SOS1: variants seen among roughly 807,000 people sequenced by gnomAD.
SOS1 encodes SOS Ras/Rac guanine nucleotide exchange factor 1, also known as son of sevenless homolog 1.
In SOS1, 25 loss-of-function variants were observed where a neutral mutation model predicts 157.6. The observed-to-expected ratio is 0.16, with a 90% CI of 0.12 to 0.22. The LOEUF is 0.22. Among genes scored for constraint, SOS1 ranks in the 10% least tolerant of loss-of-function variants. SOS1 has a pLI of 1.00. For synonymous variants in SOS1, 528 were observed against 534.0 expected, an observed-to-expected ratio of 0.99 and a Z score of 0.16; for missense variants, 1,237 against 1,599.1, an observed-to-expected ratio of 0.77 and a Z score of 3.86.
At chr2:39,032,275 C>G (rs1312625397) in intron 8 of SOS1, among the ~76,000 whole-genome samples, 1 of 152,150 alleles carries the variant, frequency 6.6e-6, no homozygotes, top group African/African-American at 2.4e-5. Flanking sequence ...TGACCAGTAT[C>G]TCCCTACTCC....
At position 39,013,447 on chromosome 2, in the gene SOS1, A is replaced by C; in HGVS notation, c.2167+13T>G. On this transcript the variant is annotated intron_variant, in intron 13 of 22. Transcript: ENST00000402219. ...TTACATATAAAACTAGGCACCTAAA[A>C]AAAAAAACATACCTCTTACTGTTCC... The C allele has an allele frequency of 6.4e-7, 1 of 1,551,494 alleles. No homozygotes were observed. Among genetic ancestry groups the C allele is most frequent in the Non-Finnish European group, 8.9e-7 (1 of 1,123,234 alleles).
intron 2 of SOS1, among the ~76,000 whole-genome samples, chr2:39,065,383 G>T (rs1292768934): frequency 2.0e-5 from 3 of 152,034 alleles, no homozygotes; most frequent in African/African-American, 7.2e-5. Context: ...CTACCATTCT[G>T]TCCAACTTTA....
In SOS1 at chr2:39,120,992, A is replaced by G. The variant is rs1392403395; in HGVS notation, c.-570T>C. On this transcript the variant is annotated 5_prime_UTR_variant, in exon 1 of 23. Coordinates refer to ENST00000402219, the MANE Select transcript of SOS1 (RefSeq NM_005633.4). ...AGGTGCCGCCGCGGCCGCCGCCGCCACCGCCGCCGCCGGTGTAGCGCTGGA... is the reference window on the plus strand; with the variant it reads ...AGGTGCCGCCGCGGCCGCCGCCGCCGCCGCCGCCGCCGGTGTAGCGCTGGA... 19 of 175,912 alleles carry G rather than the reference A, an allele frequency of 1.1e-4. No individual in the cohort carries two copies. The highest frequency in any genetic ancestry group is 1.9e-4 in the Non-Finnish European group (16 of 86,060). The allele number at this position is 175,912 out of a possible 1,614,324, so 10.9% of individuals were successfully genotyped here. A position where few individuals can be genotyped will look rare whatever the true frequency, so the allele number is the denominator to read the frequency against.
chr2:39,094,372 G>T (rs192757166), intron 1 of SOS1, among the ~76,000 whole-genome samples: 15 of 152,264 alleles, frequency 9.9e-5, no homozygotes, highest in African/African-American at 3.4e-4. Flanking sequence ...AGGGGGCCGG[G>T]TGCAGTAGCT....
At chr2:39,113,977 A>C (rs371131805) in intron 1 of SOS1, among the ~76,000 whole-genome samples, 1 of 152,216 alleles carries the variant, frequency 6.6e-6, no homozygotes, top group East Asian at 1.9e-4. Flanking sequence ...TACTATCACA[A>C]TAAAACTGCT....
At chr2:39,087,886 C>T (rs1672435846) in intron 1 of SOS1, among the ~76,000 whole-genome samples, 1 of 151,834 alleles carries the variant, frequency 6.6e-6, no homozygotes, top group Admixed American at 6.6e-5. Context: ...GCCACATTGC[C>T]CAGGCTGGTC....
In SOS1 at chr2:38,995,344, G is replaced by T. The variant is rs1166919012; in HGVS notation, c.3125C>A (p.Pro1042Gln). 1.2e-6 allele frequency: 2 copies of T among 1,613,566 alleles called. No homozygotes were observed. The highest frequency in any genetic ancestry group is 1.7e-6 in the Non-Finnish European group (2 of 1,179,570). The stretch of plus-strand genomic sequence containing the variant: ...CATGGTACCTGGTCTTGGGTTTGAT[G>T]GACGAACACCAGGAGATTTTAGGGG... ...SYPLKSPGVR[P>Q]SNPRPGTMRH... The change falls in exon 20 of 23, where the codon CCA (proline) becomes CAA (glutamine). Residue 1042 changes from proline to glutamine, a missense_variant. This residue lies in a region of SOS1 where 43 missense variants were observed against 83.0 expected (regional missense o/e 0.52). Coordinates refer to ENST00000402219, the MANE Select transcript of SOS1 (RefSeq NM_005633.4).
intron 1 of SOS1, among the ~76,000 whole-genome samples, chr2:39,105,104 A>G (rs899614314): frequency 1.3e-5 from 2 of 152,210 alleles, no homozygotes; most frequent in Admixed American, 6.5e-5. Flanking sequence ...CAAAACATCT[A>G]TGAATTAATT....
intron 1 of SOS1, among the ~76,000 whole-genome samples, chr2:39,116,990 T>C (rs891892176): frequency 2.0e-5 from 3 of 151,950 alleles, no homozygotes; most frequent in Non-Finnish European, 4.4e-5. Context: ...CCACTTCCCA[T>C]CATGTTCTAA....
rs730881042 is a variant in SOS1 at position 39,023,157 on chromosome 2, T to C, written c.1271A>G (p.Glu424Gly). The C allele has an allele frequency of 1.1e-5, 17 of 1,613,190 alleles. No individual in the cohort carries two copies. The highest frequency in any genetic ancestry group is 2.7e-5 in the African/African-American group (2 of 74,892). ...GKQLAIKKMNEIQKNIDGWEG... is the reference protein window; with the variant it reads ...GKQLAIKKMNGIQKNIDGWEG... Reference sequence around the variant, plus strand: ...CCAACCATCAATATTCTTCTGAATCTCGTTCATCTTCTTGATTGCTAGTTG... The same window carrying C: ...CCAACCATCAATATTCTTCTGAATCCCGTTCATCTTCTTGATTGCTAGTTG... Residue 424 changes from glutamate (E) to glycine (G), a missense_variant, in exon 10 of 23, where the codon GAG (glutamate) becomes GGG (glycine). By Grantham distance (98) the Glu-to-Gly change is moderately conservative. This residue lies in a region of SOS1 where 210 missense variants were observed against 220.2 expected (regional missense o/e 0.95). Coordinates refer to ENST00000402219, the MANE Select transcript of SOS1 (RefSeq NM_005633.4).
At chr2:39,121,630 G>A (rs568444243), upstream of SOS1, among the ~76,000 whole-genome samples, 1 of 152,170 alleles carries the variant, frequency 6.6e-6, no homozygotes, top group African/African-American at 2.4e-5. Flanking sequence ...AGTGGATATC[G>A]AGACCTCTTT....
intron 1 of SOS1, among the ~76,000 whole-genome samples, chr2:39,078,246 T>C (rs1218613306): frequency 6.6e-6 from 1 of 152,176 alleles, no homozygotes; most frequent in Non-Finnish European, 1.5e-5. Flanking sequence ...ATAAAAACCA[T>C]AAGACATTAT....
rs531105623 is a variant in SOS1 at position 39,060,610 on chromosome 2, G to A, written c.214-1806C>T. On this transcript the variant is annotated intron_variant, in intron 2 of 22. Transcript: ENST00000402219. ...CCAGCTAATTTTTGTATTTTTAGTA[G>A]AGATGGGTTTCCCCATGTTGGCCAG... Among the ~76,000 whole-genome samples, 7 of 152,238 alleles carry A rather than the reference G, an allele frequency of 4.6e-5. No individual in the cohort carries two copies. The South Asian group carries it at 1.4e-3, about 32-fold the overall frequency.
intron 2 of SOS1, among the ~76,000 whole-genome samples, chr2:39,060,046 AAAGGGAAGGGGTAAAGGGAGAG>A (rs1671346738): frequency 6.6e-6 from 1 of 152,192 alleles, no homozygotes; most frequent in Non-Finnish European, 1.5e-5. Context: ...AAAAGGGAGA[AAAGGGAAGGGGTAAAGGGAGAG>A]AAGGGAACAT....
chr2:39,093,126 C>G (rs1181621411), intron 1 of SOS1, among the ~76,000 whole-genome samples: 2 of 152,212 alleles, frequency 1.3e-5, no homozygotes, highest in African/African-American at 4.8e-5. Context: ...ACAAAAGGAT[C>G]TCTAACCTTC....
At chr2:39,014,134 G>A in intron 11 of SOS1, 145 bp from the exon 12 acceptor site, 1 of 625,446 alleles carries the variant, frequency 1.6e-6, no homozygotes, top group Non-Finnish European at 2.8e-6. Context: ...GTAAACAAGT[G>A]AGACTCCTAT....
At chr2:39,013,288 G>A (rs1245392298) in intron 13 of SOS1, among the ~76,000 whole-genome samples, 172 bp downstream of exon 13, 4 of 152,076 alleles carry the variant, frequency 2.6e-5, no homozygotes, top group African/African-American at 9.7e-5. Flanking sequence ...GGTGACTTGA[G>A]CCATTTGCAG....
At chr2:39,029,351 T>C (rs1670077818) in intron 8 of SOS1, among the ~76,000 whole-genome samples, 1 of 152,126 alleles carries the variant, frequency 6.6e-6, no homozygotes. Flanking sequence ...ATTGGCCAGG[T>C]ATAGTGGCTC....
chr2:39,082,189 C>G (rs1672226143), intron 1 of SOS1, among the ~76,000 whole-genome samples: 1 of 152,134 alleles, frequency 6.6e-6, no homozygotes, highest in Admixed American at 6.5e-5. Flanking sequence ...CCCCACATCC[C>G]CGCTACAAAA....
Sources: allele counts gnomAD v4.1 joint callset (sites outside exome capture counted in the v4.1 genomes callset), GRCh38; gene constraint gnomAD v4.1.1; regional missense constraint gnomAD v4.1.1; transcripts MANE v1.5; gene names NCBI Gene and HGNC (gene_info 2026-07-23, HGNC 2026-07-21).